Variants in CD96 observed in about 807,000 individuals in gnomAD.
The protein encoded by CD96 is CD96 molecule.
Under a neutral mutation model 71.3 loss-of-function variants are expected in CD96, and 70 were observed. The observed-to-expected ratio is 0.98, with a 90% CI of 0.81 to 1.20. CD96 has a LOEUF of 1.20. Among genes scored for constraint, CD96 ranks in the 50% most tolerant of loss-of-function variants. CD96 has a pLI of 0.00. For missense variants in CD96, 742 were observed against 677.5 expected, an observed-to-expected ratio of 1.10 and a Z score of -1.06; for synonymous variants, 248 against 233.0, an observed-to-expected ratio of 1.06 and a Z score of -0.59.
chr3:111,645,259 G>A (rs1455223140), intron 12 of CD96, among the ~76,000 whole-genome samples: 1 of 152,062 alleles, frequency 6.6e-6, no homozygotes, highest in African/African-American at 2.4e-5. Context: ...TCTAAGTGAC[G>A]TAACTCAGGA....
At chr3:111,657,441 G>C (rs1195637759) in intron 14 of CD96, among the ~76,000 whole-genome samples, 7 of 151,628 alleles carry the variant, frequency 4.6e-5, no homozygotes, top group Non-Finnish European at 7.4e-5. Flanking sequence ...AATTCAAGTA[G>C]CTAGGAACAC....
chr3:111,613,410 A>G (rs1439271419), intron 8 of CD96, among the ~76,000 whole-genome samples: 3 of 152,170 alleles, frequency 2.0e-5, no homozygotes, highest in Non-Finnish European at 4.4e-5. Flanking sequence ...TGCCTCCCAC[A>G]TGAGAAAAAT....
chr3:111,545,528 G>T (rs1018795962), intron 2 of CD96, 126 bp downstream of exon 2: 4 of 724,924 alleles, frequency 5.5e-6, no homozygotes, highest in Non-Finnish European at 1.0e-5. Flanking sequence ...AAGAGCTACT[G>T]TCTGATAAGA....
At chr3:111,634,506 G>C (rs908523026) in intron 10 of CD96, 2 of 152,486 alleles carry the variant, frequency 1.3e-5, no homozygotes, top group African/African-American at 4.8e-5. Context: ...TTGTAGATTT[G>C]TGAAAATGTG....
chr3:111,620,949 C>T (rs1938493756), intron 8 of CD96, among the ~76,000 whole-genome samples: 1 of 152,164 alleles, frequency 6.6e-6, no homozygotes, highest in Non-Finnish European at 1.5e-5. Flanking sequence ...TTCTGACCTC[C>T]AGAAGAGAAC....
intron 12 of CD96, among the ~76,000 whole-genome samples, chr3:111,647,231 GA>G (rs1206085079): frequency 6.6e-6 from 1 of 150,574 alleles, no homozygotes; most frequent in Non-Finnish European, 1.5e-5. Context: ...CTAAAATAGT[GA>G]AAAAAAAGAA....
At chr3:111,624,174 T>TGGCA in intron 9 of CD96, among the ~76,000 whole-genome samples, 159 bp from the exon 10 acceptor site, 2 of 152,340 alleles carry the variant, frequency 1.3e-5, no homozygotes, top group East Asian at 3.9e-4. Flanking sequence ...ACTACAGAGC[T>TGGCA]TTTGCTTAAT....
intron 5 of CD96, among the ~76,000 whole-genome samples, chr3:111,590,179 T>C (rs999506122): frequency 6.6e-6 from 1 of 152,224 alleles, no homozygotes; most frequent in Admixed American, 6.5e-5. Context: ...CTTCCAGCAC[T>C]TATTAACTCT....
At chr3:111,600,424 C>CA (rs1196804897) in intron 6 of CD96, among the ~76,000 whole-genome samples, 1 of 152,244 alleles carries the variant, frequency 6.6e-6, no homozygotes, top group Non-Finnish European at 1.5e-5. Context: ...GTTGTCAACA[C>CA]ACAATGCTGA....
chr3:111,579,192 C>T lies in CD96; in HGVS notation c.709C>T (p.Pro237Ser). Residue 237 changes from proline to serine, a missense_variant, in exon 4 of 14, where the codon CCT becomes TCT. Pro to Ser is a moderately conservative substitution (Grantham distance 74, BLOSUM62 -1). Transcript: ENST00000352690. ...RKFSCHIRVG[P>S]NKILRSSTTV... The stretch of plus-strand genomic sequence containing the variant: ...GTTCTCTTGCCACATTAGAGTCGGT[C>T]CTAACAAAATCTTGAGGAGCTCCAC... The T allele has an allele frequency of 6.2e-7, 1 of 1,611,582 alleles. No individual in the cohort carries two copies. Among genetic ancestry groups the T allele is most frequent in the African/African-American group, 1.3e-5 (1 of 74,992 alleles).
At chr3:111,593,397 C>G (rs867575294) in intron 5 of CD96, 2 of 987,830 alleles carry the variant, frequency 2.0e-6, no homozygotes, top group African/African-American at 3.2e-5. Context: ...CAATTCAGAC[C>G]TGCTCAGATT....
intron 10 of CD96, 150 bp downstream of exon 10, chr3:111,624,554 TG>T: frequency 1.5e-6 from 1 of 660,276 alleles, no homozygotes. Flanking sequence ...TTGTAGATTC[TG>T]AGACTACACC....
At chr3:111,555,402 A>G (rs1234768789) in intron 2 of CD96, among the ~76,000 whole-genome samples, 2 of 152,292 alleles carry the variant, frequency 1.3e-5, no homozygotes, top group Admixed American at 1.3e-4. Flanking sequence ...TATTTCGTGT[A>G]AGACAAATCT....
At chr3:111,653,370 A>T (rs539960006), downstream of CD96, among the ~76,000 whole-genome samples, 1 of 152,364 alleles carries the variant, frequency 6.6e-6, no homozygotes, top group African/African-American at 2.4e-5. Context: ...TAACCTACAC[A>T]TATAGATCCA....
At chr3:111,648,017 G>T (rs775334174) in intron 13 of CD96, among the ~76,000 whole-genome samples, 4 of 152,038 alleles carry the variant, frequency 2.6e-5, no homozygotes. Flanking sequence ...TCTTTGAACT[G>T]CCTAGGCTCC....
chr3:111,564,075 C>T (rs867775890), intron 2 of CD96, among the ~76,000 whole-genome samples: 9 of 152,286 alleles, frequency 5.9e-5, no homozygotes, highest in Middle Eastern at 3.4e-3. Context: ...CCATGTTTGA[C>T]TTTGCTCGAT....
At chr3:111,565,820 T>G (rs1471257479) in intron 2 of CD96, among the ~76,000 whole-genome samples, 1 of 151,638 alleles carries the variant, frequency 6.6e-6, no homozygotes, top group Non-Finnish European at 1.5e-5. Flanking sequence ...ATAACCACTA[T>G]TTGGAAATGC....
At chr3:111,573,048 T>A (rs1011858572) in intron 3 of CD96, among the ~76,000 whole-genome samples, 5 of 152,308 alleles carry the variant, frequency 3.3e-5, no homozygotes, top group Admixed American at 3.3e-4. Flanking sequence ...TGGAAACTAA[T>A]AATCTACGTG....
At chr3:111,556,641 T>A (rs1935063666) in intron 2 of CD96, among the ~76,000 whole-genome samples, 1 of 132,310 alleles carries the variant, frequency 7.6e-6, no homozygotes, top group Non-Finnish European at 1.6e-5. Flanking sequence ...TCTTTGCTAT[T>A]GTGAATAATG....
Sources: allele counts gnomAD v4.1 joint callset (sites outside exome capture counted in the v4.1 genomes callset), GRCh38; gene constraint gnomAD v4.1.1; transcripts MANE v1.5; gene names NCBI Gene and HGNC (gene_info 2026-07-23, HGNC 2026-07-21).